Variants in DLGAP4 observed in about 807,000 individuals in gnomAD.
DLGAP4 encodes DLG associated protein 4.
In DLGAP4, 18 loss-of-function variants were observed where a neutral mutation model predicts 86.9. That is an observed-to-expected ratio of 0.21 (90% CI 0.14 to 0.31). The LOEUF is 0.31. DLGAP4 is among the 10% of genes least tolerant of loss of function. The probability of loss-of-function intolerance (pLI) is 1.00; values close to 1 mark genes in which losing one functional copy is unlikely to be tolerated. For missense variants in DLGAP4, 1,085 were observed against 1,362.6 expected, an observed-to-expected ratio of 0.80 and a Z score of 3.21; for synonymous variants, 548 against 574.3, an observed-to-expected ratio of 0.95 and a Z score of 0.65.
chr20:36,409,693 C>T (rs1600493698), intron 2 of DLGAP4, among the ~76,000 whole-genome samples: 1 of 146,204 alleles, frequency 6.8e-6, no homozygotes, highest in Non-Finnish European at 1.5e-5. Flanking sequence ...CCAGCCTGGG[C>T]AACAGAGCAA....
At chr20:36,316,448 C>T (rs2065100769) in intron 1 of DLGAP4, among the ~76,000 whole-genome samples, 1 of 152,162 alleles carries the variant, frequency 6.6e-6, no homozygotes, top group Non-Finnish European at 1.5e-5. Context: ...TCCCCACAGT[C>T]TTTGCTTGGT....
intron 7 of DLGAP4, among the ~76,000 whole-genome samples, chr20:36,458,992 CT>C (rs1186646943): frequency 6.6e-6 from 1 of 152,214 alleles, no homozygotes; most frequent in Admixed American, 6.5e-5. Context: ...CCTCACTCCT[CT>C]AACTGCCAGT....
intron 7 of DLGAP4, among the ~76,000 whole-genome samples, chr20:36,459,751 A>C (rs2033973989): frequency 6.6e-6 from 1 of 152,134 alleles, no homozygotes. Context: ...GAGATTACAG[A>C]CATGTGCCTC....
intron 1 of DLGAP4, among the ~76,000 whole-genome samples, chr20:36,307,248 G>A (rs879958649): frequency 2.6e-5 from 4 of 152,240 alleles, no homozygotes; most frequent in Non-Finnish European, 5.9e-5. Flanking sequence ...CGCGGAGACA[G>A]GGGTTCGCGT....
intron 1 of DLGAP4, among the ~76,000 whole-genome samples, chr20:36,362,476 A>G (rs556035025): frequency 2.6e-5 from 4 of 152,306 alleles, no homozygotes; most frequent in Admixed American, 1.3e-4. Flanking sequence ...ACAGATGGCC[A>G]GCAGAGCTGC....
intron 2 of DLGAP4, among the ~76,000 whole-genome samples, chr20:36,379,529 G>A (rs1450091964): frequency 6.6e-6 from 1 of 152,244 alleles, no homozygotes. Flanking sequence ...GGACCTGTGT[G>A]TAGCTGGGGT....
At chr20:36,507,631 G>C (rs2036452726) in intron 10 of DLGAP4, 1 of 152,264 alleles carries the variant, frequency 6.6e-6, no homozygotes, top group Admixed American at 6.5e-5. Flanking sequence ...GGCTGGGGGA[G>C]AGGAAAGGCA....
intron 2 of DLGAP4, among the ~76,000 whole-genome samples, chr20:36,396,378 CACAT>C (rs1569484579): frequency 1.2e-3 from 2 of 1,648 alleles, no homozygotes; most frequent in Non-Finnish European, 2.5e-3. Flanking sequence ...ACACACACCC[CACAT>C]ACACACATGC....
chr20:36,382,675 G>T (rs1227680380), intron 2 of DLGAP4, among the ~76,000 whole-genome samples: 5 of 151,646 alleles, frequency 3.3e-5, no homozygotes, highest in Non-Finnish European at 5.9e-5. Context: ...GACTACAGGT[G>T]TGTGCCACCA....
chr20:36,352,539 CGA>C (rs1555893546), intron 1 of DLGAP4, among the ~76,000 whole-genome samples: 1 of 151,398 alleles, frequency 6.6e-6, no homozygotes, highest in Non-Finnish European at 1.5e-5. Flanking sequence ...GAGTGTGGGG[CGA>C]GAGAGAGGAG....
intron 1 of DLGAP4, among the ~76,000 whole-genome samples, chr20:36,332,377 T>G (rs1202948135): frequency 3.3e-5 from 5 of 152,078 alleles, no homozygotes; most frequent in Non-Finnish European, 7.4e-5. Flanking sequence ...TTGTTTTTTT[T>G]GTTTTGTTTT....
At chr20:36,349,104 CAAAAAAAAAAAAAAAAAA>C (rs539585564) in intron 1 of DLGAP4, among the ~76,000 whole-genome samples, 16 of 39,894 alleles carry the variant, frequency 4.0e-4, no homozygotes, top group Non-Finnish European at 5.4e-4. Context: ...GACTCCATCT[CAAAAAAAAAAAAAAAAAA>C]AAAAAAAAAA....
chr20:36,435,667 T>C (rs1336128237), intron 3 of DLGAP4, among the ~76,000 whole-genome samples: 1 of 152,246 alleles, frequency 6.6e-6, no homozygotes, highest in Non-Finnish European at 1.5e-5. Context: ...CAGGGTCGTC[T>C]GATCCCCCAT....
chr20:36,333,454 TCAAGGCTTGATTC>T (rs1337668969), intron 1 of DLGAP4, among the ~76,000 whole-genome samples: 2 of 152,244 alleles, frequency 1.3e-5, no homozygotes, highest in South Asian at 2.1e-4. Flanking sequence ...CGTGCATGTT[TCAAGGCTTGATTC>T]CAATGTCGCC....
intron 11 of DLGAP4, 70 bp from the exon 12 acceptor site, chr20:36,525,781 G>T: frequency 6.3e-7 from 1 of 1,591,628 alleles, no homozygotes. Context: ...AACCCTGCTT[G>T]TTGGGGGGTT....
At chr20:36,369,284 T>A (rs964507107) in intron 2 of DLGAP4, among the ~76,000 whole-genome samples, 4 of 152,150 alleles carry the variant, frequency 2.6e-5, no homozygotes, top group East Asian at 3.8e-4. Flanking sequence ...TTATTTTTTT[T>A]AATCAACTTA....
At chr20:36,309,031 C>T (rs996632910) in intron 1 of DLGAP4, among the ~76,000 whole-genome samples, 5 of 151,440 alleles carry the variant, frequency 3.3e-5, no homozygotes, top group Admixed American at 6.6e-5. Flanking sequence ...GTCCCCCTGG[C>T]GGGCCTTCAG....
At position 36,398,964 on chromosome 20, in the gene DLGAP4, G is replaced by A. The variant is rs2032076949; in HGVS notation, c.-73+31689G>A. Among the ~76,000 whole-genome samples, 3 of 152,150 alleles carry A rather than the reference G, an allele frequency of 2.0e-5. 1 individual carries two copies. The South Asian group carries it at 6.2e-4, about 31-fold the overall frequency. On this transcript the variant is annotated intron_variant, in intron 2 of 12. Coordinates refer to ENST00000339266, the MANE Select transcript of DLGAP4 (RefSeq NM_001365621.2). ...TCCCAGCACTTTGGGAGGCTGAGGCGGGTGGATCACTTGAGGTCAGCAGTT... is the reference window on the plus strand; with the variant it reads ...TCCCAGCACTTTGGGAGGCTGAGGCAGGTGGATCACTTGAGGTCAGCAGTT...
intron 11 of DLGAP4, among the ~76,000 whole-genome samples, chr20:36,524,732 G>A (rs1172485469): frequency 1.3e-5 from 2 of 151,836 alleles, no homozygotes; most frequent in African/African-American, 4.8e-5. Flanking sequence ...GAGAAACCCT[G>A]TCTCTACTAA....
Sources: allele counts gnomAD v4.1 joint callset (sites outside exome capture counted in the v4.1 genomes callset), GRCh38; gene constraint gnomAD v4.1.1; transcripts MANE v1.5; gene names NCBI Gene and HGNC (gene_info 2026-07-23, HGNC 2026-07-21).